MAP3K2: variants seen among roughly 807,000 people sequenced by gnomAD.
MAP3K2 encodes the protein MAP/ERK kinase kinase 2.
MAP3K2 carries 24 observed loss-of-function variants against 80.3 expected under a neutral mutation model. The observed-to-expected ratio is 0.30, with a 90% CI of 0.22 to 0.42. MAP3K2 has a LOEUF of 0.42. Ranked by LOEUF, MAP3K2 falls within the 10% of genes least tolerant of loss-of-function variation. MAP3K2 has a pLI of 1.00. For missense variants in MAP3K2, 608 were observed against 750.1 expected (o/e 0.81, Z 2.21); for synonymous variants, 244 against 253.7 (o/e 0.96, Z 0.36).
At chr2:127,344,766 T>TTACAAA (rs1400149454) in intron 1 of MAP3K2, among the ~76,000 whole-genome samples, 1 of 152,230 alleles carries the variant, frequency 6.6e-6, no homozygotes, top group Non-Finnish European at 1.5e-5. Context: ...TTTCCCAAGA[T>TTACAAA]ACCTCACTAT....
intron 1 of MAP3K2, 29 bp downstream of exon 1, chr2:127,387,423 A>AGCGC (rs1438683116): frequency 2.3e-6 from 1 of 442,066 alleles, no homozygotes. Context: ...CACACACACA[A>AGCGC]GCGCGCGCGC....
chr2:127,320,708 G>T (rs147300485), intron 12 of MAP3K2, among the ~76,000 whole-genome samples: 31 of 152,304 alleles, frequency 2.0e-4, no homozygotes, highest in African/African-American at 6.5e-4. Context: ...CTTGAAAGCA[G>T]CTGGGGCAGC....
chr2:127,319,754 G>A (rs958624447), intron 12 of MAP3K2, among the ~76,000 whole-genome samples: 4 of 150,432 alleles, frequency 2.7e-5, no homozygotes, highest in Non-Finnish European at 5.9e-5. Context: ...CGGGAGAATC[G>A]CTTGAACCCG....
intron 15 of MAP3K2, among the ~76,000 whole-genome samples, chr2:127,309,426 T>C (rs568147799): frequency 6.6e-6 from 1 of 152,210 alleles, no homozygotes; most frequent in Non-Finnish European, 1.5e-5. Context: ...AGAGTTCCCA[T>C]ATACCCCCAC....
At chr2:127,341,634 G>A (rs950609061) in intron 2 of MAP3K2, among the ~76,000 whole-genome samples, 2 of 144,900 alleles carry the variant, frequency 1.4e-5, no homozygotes, top group African/African-American at 5.1e-5. Flanking sequence ...CTGGGTTCAC[G>A]CCATTCTCCT....
At chr2:127,327,892 G>C (rs1415344315) in intron 7 of MAP3K2, among the ~76,000 whole-genome samples, 1 of 152,182 alleles carries the variant, frequency 6.6e-6, no homozygotes, top group African/African-American at 2.4e-5. Context: ...ATTAGAATAA[G>C]ACTGAGGTAT....
intron 5 of MAP3K2, among the ~76,000 whole-genome samples, chr2:127,334,669 C>T (rs1573989730): frequency 1.3e-5 from 2 of 152,266 alleles, no homozygotes; most frequent in African/African-American, 4.8e-5. Context: ...GTCTTGAACT[C>T]CCGGCCTCAG....
At chr2:127,333,851 C>A (rs974149327) in intron 5 of MAP3K2, among the ~76,000 whole-genome samples, 1 of 151,558 alleles carries the variant, frequency 6.6e-6, no homozygotes, top group Non-Finnish European at 1.5e-5. Context: ...GTAATCCCAG[C>A]ACTTTGGGAG....
intron 1 of MAP3K2, among the ~76,000 whole-genome samples, chr2:127,349,214 G>A (rs183571261): frequency 6.6e-6 from 1 of 151,924 alleles, no homozygotes; most frequent in Admixed American, 6.5e-5. Flanking sequence ...AGGTTAGAGT[G>A]CACTGGCATG....
intron 1 of MAP3K2, among the ~76,000 whole-genome samples, chr2:127,348,058 A>G (rs543526524): frequency 5.3e-5 from 8 of 152,290 alleles, no homozygotes; most frequent in African/African-American, 1.4e-4. Flanking sequence ...CAACTGATGA[A>G]GAGAGAAACA....
intron 1 of MAP3K2, among the ~76,000 whole-genome samples, chr2:127,358,667 T>C (rs1216881850): frequency 6.6e-6 from 1 of 152,230 alleles, no homozygotes; most frequent in African/African-American, 2.4e-5. Flanking sequence ...GCACAGTAAC[T>C]GACACCTGTA....
chr2:127,332,821 T>G (rs895340028), intron 5 of MAP3K2, among the ~76,000 whole-genome samples: 1 of 152,156 alleles, frequency 6.6e-6, no homozygotes, highest in Non-Finnish European at 1.5e-5. Context: ...TAGTGAAGTA[T>G]GAAGACAGCC....
At chr2:127,387,423 A>ACACACACACGCGCGC in intron 1 of MAP3K2, 29 bp downstream of exon 1, 1 of 442,128 alleles carries the variant, frequency 2.3e-6, no homozygotes, top group African/African-American at 6.2e-5. Context: ...CACACACACA[A>ACACACACACGCGCGC]GCGCGCGCGC....
intron 15 of MAP3K2, among the ~76,000 whole-genome samples, chr2:127,312,028 C>A (rs1685816705): frequency 6.6e-6 from 1 of 152,088 alleles, no homozygotes. Context: ...AATTCTGTAA[C>A]CGAATTTGGA....
intron 1 of MAP3K2, among the ~76,000 whole-genome samples, chr2:127,360,222 C>T (rs758047401): frequency 1.3e-5 from 2 of 152,058 alleles, no homozygotes; most frequent in Admixed American, 6.6e-5. Context: ...TACAATAATA[C>T]GGATGAATCT....
chr2:127,351,929 C>A (rs1375869217), intron 1 of MAP3K2, among the ~76,000 whole-genome samples: 1 of 151,504 alleles, frequency 6.6e-6, no homozygotes, highest in African/African-American at 2.4e-5. Flanking sequence ...CAGGCTAGAG[C>A]GCAGTGGCAC....
chr2:127,387,903 G>A lies in MAP3K2; in HGVS notation c.-517C>T, dbSNP rs557743997. 1.7e-5 allele frequency: 17 copies of A among 981,854 alleles called. No individual in the cohort carries two copies. Among genetic ancestry groups the A allele is most frequent in the Non-Finnish European group, 1.8e-5 (15 of 827,096 alleles). The allele number at this position is 981,854 out of a possible 1,614,324, so 60.8% of individuals were successfully genotyped here. ...GCAACCCCCGAACGCTGCGCCCAGC[G>A]GCCGCGGCACCCTCGTCAGGCGCCG... On this transcript the variant is annotated 5_prime_UTR_variant, in exon 1 of 17. Coordinates refer to ENST00000682094, the MANE Select transcript of MAP3K2 (RefSeq NM_001371910.2).
chr2:127,338,665 G>C (rs777720785), intron 3 of MAP3K2, among the ~76,000 whole-genome samples: 6 of 152,122 alleles, frequency 3.9e-5, no homozygotes, highest in Non-Finnish European at 5.9e-5. Context: ...ACATGATTTT[G>C]TTATTTATTA....
Position 127,387,491 on chromosome 2 carries a change from G to A in MAP3K2, c.-105C>T, listed in dbSNP as rs1687387843. 2.0e-6 allele frequency: 2 copies of A among 985,020 alleles called. No individual in the cohort carries two copies. Among genetic ancestry groups the A allele is most frequent in the Non-Finnish European group, 1.2e-6 (1 of 829,962 alleles). The allele number at this position is 985,020 out of a possible 1,614,324, so 61.0% of individuals were successfully genotyped here. ...GGACGTAGAGAGCCGCAGGCCCAAG[G>A]AGGGGCCGCCCCCGCCGAGCCCGCC... is the stretch of plus-strand genomic sequence containing the variant. On this transcript the variant is annotated 5_prime_UTR_variant, in exon 1 of 17. Coordinates refer to ENST00000682094, the MANE Select transcript of MAP3K2 (RefSeq NM_001371910.2).
Sources: allele counts gnomAD v4.1 joint callset (sites outside exome capture counted in the v4.1 genomes callset), GRCh38; gene constraint gnomAD v4.1.1; transcripts MANE v1.5; gene names NCBI Gene and HGNC (gene_info 2026-07-23, HGNC 2026-07-21).